The following ALDH1L1 variants were observed in gnomAD, a reference collection of about 807,000 sequenced individuals.
ALDH1L1 encodes aldehyde dehydrogenase 1 family member L1, also known as cytosolic 10-formyltetrahydrofolate dehydrogenase.
ALDH1L1 carries 68 observed loss-of-function variants against 101.1 expected under a neutral mutation model. The ratio of observed to expected loss-of-function variants is 0.67; its 90% confidence interval spans 0.55 to 0.82. ALDH1L1 has a LOEUF of 0.82. Among genes scored for constraint, ALDH1L1 ranks in the 40% least tolerant of loss-of-function variants. The pLI is 0.00. For synonymous variants in ALDH1L1, 486 were observed against 470.8 expected (o/e 1.03, Z -0.42); for missense variants, 1,087 against 1,172.7 (o/e 0.93, Z 1.07).
exon 1 of ALDH1L1, chr3:126,197,758 T>C (rs766436478): frequency 6.6e-6 from 1 of 152,176 alleles, no homozygotes; most frequent in Non-Finnish European, 1.5e-5. Flanking sequence ...TCAGTACTCC[T>C]GGGGGTCGCT....
At position 126,157,347 on chromosome 3, in the gene ALDH1L1, C is replaced by G; in HGVS notation, c.524G>C (p.Gly175Ala). ...CGGCCGGCTCCAGGTCCTCACCATCCCTTTGATGCCTTCAGGGAAGAGGAA... is the reference window on the plus strand; with the variant it reads ...CGGCCGGCTCCAGGTCCTCACCATCGCTTTGATGCCTTCAGGGAAGAGGAA... ...NRFLFPEGIKGMVQAVRLIAE... is the reference protein window; with the variant it reads ...NRFLFPEGIKAMVQAVRLIAE... The change falls in exon 4 of 23, where the codon GGG becomes GCG. Residue 175 changes from glycine (G) to alanine (A), a missense_variant. Transcript: ENST00000393434. The G allele has an allele frequency of 6.2e-7, 1 of 1,610,020 alleles. No homozygotes were observed. Among genetic ancestry groups the G allele is most frequent in the Non-Finnish European group, 8.5e-7 (1 of 1,177,154 alleles).
At chr3:126,137,105 C>A (rs1440091641) in intron 10 of ALDH1L1, among the ~76,000 whole-genome samples, 1 of 151,944 alleles carries the variant, frequency 6.6e-6, no homozygotes, top group Non-Finnish European at 1.5e-5. Context: ...CCACCTTGGG[C>A]TGGCTCCTCA....
At chr3:126,125,560 A>C (rs1268394486) in intron 15 of ALDH1L1, 56 bp downstream of exon 15, 1 of 1,345,628 alleles carries the variant, frequency 7.4e-7, no homozygotes, top group African/African-American at 1.5e-5. Flanking sequence ...TTATAGAGTG[A>C]GTTCCTGATC....
chr3:126,118,015 T>C lies in ALDH1L1; in HGVS notation c.1972A>G (p.Ile658Val), dbSNP rs1342883825. ...CCCCCAGCCACGCACCTTTTCATGATGTGCTTGCCCACCTCTGTGGAGCCT... is the reference window on the plus strand; with the variant it reads ...CCCCCAGCCACGCACCTTTTCATGACGTGCTTGCCCACCTCTGTGGAGCCT... Reference protein sequence around the residue: ...FTGSTEVGKHIMKSCAISNVK... With the variant: ...FTGSTEVGKHVMKSCAISNVK... Residue 658 changes from isoleucine (I) to valine (V), a missense_variant, in exon 17 of 23, where the codon ATC (isoleucine) becomes GTC (valine). Physicochemically the swap from Ile to Val is conservative, Grantham distance 29. Around this residue, in one of 2 missense-constraint regions of ALDH1L1, gnomAD observed 442 missense variants for 535.7 expected, o/e 0.83. Coordinates refer to ENST00000393434, the MANE Select transcript of ALDH1L1 (RefSeq NM_012190.4). 2 of 1,613,506 alleles carry C rather than the reference T, an allele frequency of 1.2e-6. No individual in the cohort carries two copies. Among genetic ancestry groups the C allele is most frequent in the South Asian group, 1.1e-5 (1 of 90,950 alleles).
chr3:126,186,374 C>T (rs2081518391), upstream of ALDH1L1, among the ~76,000 whole-genome samples: 1 of 152,182 alleles, frequency 6.6e-6, no homozygotes. Context: ...AAATCACCCA[C>T]CCAGGATTCA....
At chr3:126,195,074 C>A (rs2081574778) in intron 1 of ALDH1L1, among the ~76,000 whole-genome samples, 1 of 151,902 alleles carries the variant, frequency 6.6e-6, no homozygotes, top group Non-Finnish European at 1.5e-5. Flanking sequence ...GTATAACCTT[C>A]TTTGCATAGC....
intron 1 of ALDH1L1, among the ~76,000 whole-genome samples, chr3:126,163,833 T>C (rs2081109905): frequency 6.6e-6 from 1 of 152,150 alleles, no homozygotes; most frequent in South Asian, 2.1e-4. Flanking sequence ...AATCTATGCT[T>C]GTAAGAAATA....
At chr3:126,157,166 C>T (rs1363618521) in intron 4 of ALDH1L1, among the ~76,000 whole-genome samples, 177 bp downstream of exon 4, 3 of 152,132 alleles carry the variant, frequency 2.0e-5, no homozygotes, top group African/African-American at 4.8e-5. Flanking sequence ...CCTCCTAATA[C>T]AATACACTGT....
At chr3:126,109,268 C>T (rs893102370) in intron 20 of ALDH1L1, among the ~76,000 whole-genome samples, 1 of 152,216 alleles carries the variant, frequency 6.6e-6, no homozygotes, top group Non-Finnish European at 1.5e-5. Flanking sequence ...CGTCAACGGT[C>T]CATCCCCGTG....
At chr3:126,172,002 C>A (rs1395257687) in intron 1 of ALDH1L1, among the ~76,000 whole-genome samples, 3 of 152,074 alleles carry the variant, frequency 2.0e-5, no homozygotes, top group African/African-American at 7.2e-5. Context: ...AACCCAAAGA[C>A]AACAGGGTAG....
chr3:126,146,974 C>T (rs2080704309), intron 8 of ALDH1L1, 48 bp from the exon 9 acceptor site: 7 of 1,571,642 alleles, frequency 4.5e-6, no homozygotes, highest in African/African-American at 1.4e-5. Context: ...GAGCTGGGGA[C>T]AAGTGCCACT....
intron 1 of ALDH1L1, among the ~76,000 whole-genome samples, chr3:126,171,609 A>T (rs1269906150): frequency 6.6e-6 from 1 of 152,174 alleles, no homozygotes; most frequent in Admixed American, 6.5e-5. Context: ...AGGATTGGAG[A>T]AAAATCCCCT....
chr3:126,149,511 C>T (rs1433561150), intron 8 of ALDH1L1, among the ~76,000 whole-genome samples: 1 of 152,248 alleles, frequency 6.6e-6, no homozygotes, highest in African/African-American at 2.4e-5. Context: ...AGGGCCAGAG[C>T]AACTGCTCCA....
intron 17 of ALDH1L1, 127 bp from the exon 18 acceptor site, chr3:126,114,783 G>T: frequency 1.2e-6 from 1 of 841,350 alleles, no homozygotes; most frequent in Non-Finnish European, 2.0e-6. Context: ...CCCGGCCAGT[G>T]CCTCCCCACT....
rs897503993 is a variant in ALDH1L1 at position 126,107,056 on chromosome 3, A to G, written c.2453+85T>C. On this transcript the variant is annotated intron_variant, in intron 21 of 22. Transcript: ENST00000393434. Reference sequence around the variant, plus strand: ...CTGAGTTCTCCTCCTGACTGCCCGTAGACTACCTCCCAAAGCCCACATGAA... The same window carrying G: ...CTGAGTTCTCCTCCTGACTGCCCGTGGACTACCTCCCAAAGCCCACATGAA... 1.5e-5 allele frequency: 19 copies of G among 1,275,016 alleles called. No homozygotes were observed. The Admixed American group carries it at 2.6e-4, about 17-fold the overall frequency. The allele number at this position is 1,275,016 out of a possible 1,614,324, so 79.0% of individuals were successfully genotyped here.
chr3:126,162,540 G>GT (rs1312940194), intron 1 of ALDH1L1, among the ~76,000 whole-genome samples: 1 of 152,046 alleles, frequency 6.6e-6, no homozygotes, highest in Non-Finnish European at 1.5e-5. Context: ...TTGAAAAGGA[G>GT]TTTTTTTGTA....
chr3:126,168,531 CA>C (rs951231940), intron 1 of ALDH1L1, among the ~76,000 whole-genome samples: 89 of 152,020 alleles, frequency 5.9e-4, no homozygotes, highest in African/African-American at 2.0e-3. Context: ...ATCATTTTAG[CA>C]AAACAAAACA....
In ALDH1L1 at chr3:126,110,074, C is replaced by T; in HGVS notation, c.2217G>A (p.Pro739=). 3.1e-6 allele frequency: 5 copies of T among 1,614,164 alleles called. No individual in the cohort carries two copies. Among genetic ancestry groups the T allele is most frequent in the South Asian group, 1.1e-5 (1 of 91,080 alleles). Residue 739 remains proline (P), a synonymous_variant, in exon 20 of 23, where the codon CCG becomes CCA. Transcript: ENST00000393434. ...EEVRKMKVGN[P]LDRDTDHGPQ... Reference sequence around the variant, plus strand: ...GCCCGTGGTCGGTGTCCCTGTCCAGCGGGTTGCCCACCTTCATCTTCCGCA... The same window carrying T: ...GCCCGTGGTCGGTGTCCCTGTCCAGTGGGTTGCCCACCTTCATCTTCCGCA...
intron 16 of ALDH1L1, among the ~76,000 whole-genome samples, chr3:126,120,887 A>C (rs1004329681): frequency 6.6e-6 from 1 of 152,198 alleles, no homozygotes; most frequent in Non-Finnish European, 1.5e-5. Flanking sequence ...CATTTTAGAA[A>C]ACAAAATTTT....
Sources: gnomAD v4.1 joint callset for allele counts (sites outside exome capture counted in the v4.1 genomes callset) on GRCh38, gnomAD v4.1.1 for gene constraint, gnomAD v4.1.1 regional missense constraint, MANE v1.5 for transcripts, NCBI Gene and HGNC (gene_info 2026-07-23, HGNC 2026-07-21) for gene names.